Variants in ROBO2 observed in about 807,000 individuals in gnomAD.
The protein encoded by ROBO2 is roundabout homolog 2.
A neutral mutation model predicts 160.8 loss-of-function variants in ROBO2; 53 were observed. The ratio of observed to expected loss-of-function variants is 0.33; its 90% CI spans 0.26 to 0.41. The LOEUF (loss-of-function observed/expected upper bound fraction) is 0.41. Ranked by LOEUF, ROBO2 falls within the 10% of genes least tolerant of loss-of-function variation. The probability of loss-of-function intolerance (pLI) is 1.00; values close to 1 mark genes in which losing one functional copy is unlikely to be tolerated. For missense variants in ROBO2, 1,577 were observed against 1,722.4 expected (o/e 0.92, Z 1.49); for synonymous variants, 664 against 611.7 (o/e 1.09, Z -1.26).
At chr3:75,973,740 G>T (rs772133030) in intron 2 of ROBO2, among the ~76,000 whole-genome samples, 1 of 151,668 alleles carries the variant, frequency 6.6e-6, no homozygotes, top group Non-Finnish European at 1.5e-5. Flanking sequence ...CCATGGAAAT[G>T]AAAGGAGCTA....
At chr3:76,647,482 T>C (rs1290373590) in intron 2 of ROBO2, among the ~76,000 whole-genome samples, 1 of 152,138 alleles carries the variant, frequency 6.6e-6, no homozygotes, top group Non-Finnish European at 1.5e-5. Context: ...TGAGAAACAC[T>C]GGCTTATCAT....
chr3:76,533,518 A>G (rs749961115), intron 2 of ROBO2, among the ~76,000 whole-genome samples: 13 of 152,228 alleles, frequency 8.5e-5, no homozygotes, highest in African/African-American at 4.8e-5. Context: ...AAATAGAACT[A>G]TATCATCCGG....
At chr3:76,823,754 A>C (rs1287947327) in intron 2 of ROBO2, among the ~76,000 whole-genome samples, 1 of 152,180 alleles carries the variant, frequency 6.6e-6, no homozygotes, top group African/African-American at 2.4e-5. Flanking sequence ...AGACATTTGG[A>C]TATGACACCA....
chr3:77,547,812 ATCT>A (rs977553323), intron 7 of ROBO2, among the ~76,000 whole-genome samples: 1 of 152,094 alleles, frequency 6.6e-6, no homozygotes, highest in Non-Finnish European at 1.5e-5. Flanking sequence ...TAACTCTCAA[ATCT>A]TCTTTCTAAT....
chr3:77,023,822 A>G (rs1386109356), intron 2 of ROBO2, among the ~76,000 whole-genome samples: 1 of 152,222 alleles, frequency 6.6e-6, no homozygotes, highest in Non-Finnish European at 1.5e-5. Context: ...TTAGCCTACG[A>G]TATCTACAGC....
At chr3:77,029,872 G>A (rs1488749959) in intron 2 of ROBO2, among the ~76,000 whole-genome samples, 1 of 151,604 alleles carries the variant, frequency 6.6e-6, no homozygotes, top group East Asian at 1.9e-4. Context: ...TATGAATAAG[G>A]TTTCTTTATT....
chr3:77,609,596 C>A (rs1400128174), intron 21 of ROBO2, among the ~76,000 whole-genome samples: 1 of 151,712 alleles, frequency 6.6e-6, no homozygotes, highest in East Asian at 1.9e-4. Flanking sequence ...ATTCCTGTAA[C>A]CCCCTGCAAT....
chr3:76,108,559 A>G (rs1033240960), intron 2 of ROBO2, among the ~76,000 whole-genome samples: 12 of 151,852 alleles, frequency 7.9e-5, no homozygotes, highest in African/African-American at 2.9e-4. Context: ...TTATATCTAT[A>G]CTATGGATAC....
At chr3:76,699,840 C>T (rs1035082282) in intron 2 of ROBO2, among the ~76,000 whole-genome samples, 2 of 152,102 alleles carry the variant, frequency 1.3e-5, no homozygotes, top group African/African-American at 2.4e-5. Flanking sequence ...TGTTTTATAT[C>T]TAACTCTATG....
intron 5 of ROBO2, among the ~76,000 whole-genome samples, chr3:77,499,802 C>A (rs1392912626): frequency 2.0e-5 from 3 of 151,880 alleles, no homozygotes; most frequent in African/African-American, 7.3e-5. Flanking sequence ...GCGCCCACCA[C>A]CACGCCCAGC....
intron 2 of ROBO2, among the ~76,000 whole-genome samples, chr3:77,137,150 T>A (rs1579301368): frequency 6.6e-6 from 1 of 152,184 alleles, no homozygotes; most frequent in Non-Finnish European, 1.5e-5. Flanking sequence ...TTGCAGAGTC[T>A]ACTCTCCTTT....
chr3:75,979,463 G>T (rs1303898708), intron 2 of ROBO2, among the ~76,000 whole-genome samples: 1 of 151,442 alleles, frequency 6.6e-6, no homozygotes, highest in Non-Finnish European at 1.5e-5. Context: ...CACAAGAATG[G>T]ATAAGTTTAT....
At chr3:76,435,240 G>T in intron 2 of ROBO2, 2 of 1,521,736 alleles carry the variant, frequency 1.3e-6, no homozygotes, top group Non-Finnish European at 1.8e-6. Flanking sequence ...CAACAAAACA[G>T]ATGGCTGCCA....
At chr3:76,869,342 G>GTTT (rs34051755) in intron 2 of ROBO2, among the ~76,000 whole-genome samples, 2,225 of 71,308 alleles carry the variant, frequency 0.031, 67 homozygotes, top group Middle Eastern at 0.087. Flanking sequence ...AGAAATTGAT[G>GTTT]TTTTTTTTTT....
At chr3:77,195,365 A>G (rs1033833136) in intron 2 of ROBO2, among the ~76,000 whole-genome samples, 3 of 152,182 alleles carry the variant, frequency 2.0e-5, no homozygotes, top group Non-Finnish European at 2.9e-5. Context: ...AATGATGTAA[A>G]CATTTTTCAA....
intron 2 of ROBO2, among the ~76,000 whole-genome samples, chr3:76,995,943 C>G (rs1391752294): frequency 1.3e-5 from 2 of 152,120 alleles, no homozygotes; most frequent in African/African-American, 4.8e-5. Flanking sequence ...TGTGCAGAAG[C>G]TCTTTAGTTT....
At chr3:77,253,063 C>G (rs899513831) in intron 2 of ROBO2, among the ~76,000 whole-genome samples, 3 of 151,678 alleles carry the variant, frequency 2.0e-5, no homozygotes, top group African/African-American at 7.3e-5. Flanking sequence ...AGGAAGTGTT[C>G]TAAGTAAATT....
chr3:76,573,367 A>G (rs2085068330), intron 2 of ROBO2, among the ~76,000 whole-genome samples: 2 of 152,094 alleles, frequency 1.3e-5, no homozygotes, highest in Non-Finnish European at 2.9e-5. Context: ...TTATCAAACT[A>G]ACCCATTTAA....
chr3:76,219,566 C>G (rs190388184), intron 2 of ROBO2, among the ~76,000 whole-genome samples: 4 of 152,236 alleles, frequency 2.6e-5, no homozygotes, highest in Non-Finnish European at 5.9e-5. Context: ...CCAACAGACA[C>G]ATGAAAAAAA....
Sources: gnomAD v4.1 joint callset for allele counts (sites outside exome capture counted in the v4.1 genomes callset) on GRCh38, gnomAD v4.1.1 for gene constraint, MANE v1.5 for transcripts, NCBI Gene and HGNC (gene_info 2026-07-23, HGNC 2026-07-21) for gene names.